The following PRKG1 variants were observed in gnomAD, a reference collection of about 807,000 sequenced individuals.
PRKG1 encodes cGMP-dependent protein kinase 1.
In PRKG1, 35 loss-of-function variants were observed where a neutral mutation model predicts 88.1. The observed-to-expected ratio is 0.40, with a 90% confidence interval of 0.30 to 0.53. The LOEUF is 0.53. PRKG1 is among the 20% of genes least tolerant of loss of function. PRKG1 has a pLI of 0.59. For missense variants in PRKG1, 540 were observed against 839.8 expected, an observed-to-expected ratio of 0.64 and a Z score of 4.41; for synonymous variants, 303 against 292.5, an observed-to-expected ratio of 1.04 and a Z score of -0.37.
At chr10:51,357,677 T>C (rs1267528769) in intron 2 of PRKG1, among the ~76,000 whole-genome samples, 1 of 151,974 alleles carries the variant, frequency 6.6e-6, no homozygotes, top group Non-Finnish European at 1.5e-5. Context: ...TTAGGGTTCT[T>C]TTTCCCATTT....
intron 9 of PRKG1, among the ~76,000 whole-genome samples, chr10:52,168,799 G>A (rs1017129128): frequency 3.3e-5 from 5 of 152,044 alleles, no homozygotes; most frequent in African/African-American, 1.2e-4. Context: ...AAAAGGTCAG[G>A]GAAAATGCAA....
intron 2 of PRKG1, among the ~76,000 whole-genome samples, chr10:51,407,524 C>T (rs1301138471): frequency 6.6e-6 from 1 of 152,206 alleles, no homozygotes; most frequent in Non-Finnish European, 1.5e-5. Flanking sequence ...GGAGGAAATA[C>T]TCATGACAAT....
chr10:51,100,186 A>G (rs975626481), intron 1 of PRKG1, among the ~76,000 whole-genome samples: 2 of 152,100 alleles, frequency 1.3e-5, no homozygotes, highest in Admixed American at 1.3e-4. Context: ...GAGCCATCAT[A>G]CCTGGTCTAG....
At chr10:51,862,218 C>T (rs1005311449) in intron 4 of PRKG1, among the ~76,000 whole-genome samples, 9 of 152,184 alleles carry the variant, frequency 5.9e-5, no homozygotes, top group African/African-American at 2.2e-4. Flanking sequence ...GTTCCCACTG[C>T]CCATAGCATG....
intron 3 of PRKG1, among the ~76,000 whole-genome samples, chr10:51,586,501 G>A (rs1296682876): frequency 1.3e-5 from 2 of 152,102 alleles, no homozygotes; most frequent in Admixed American, 1.3e-4. Context: ...ATGTGTTTAT[G>A]CATTTCCTGC....
At chr10:52,274,616 C>T (rs1175689335) in intron 12 of PRKG1, among the ~76,000 whole-genome samples, 4 of 151,496 alleles carry the variant, frequency 2.6e-5, no homozygotes, top group Admixed American at 2.0e-4. Flanking sequence ...GATTGATGGG[C>T]ATTTGATTTG....
intron 1 of PRKG1, among the ~76,000 whole-genome samples, chr10:51,026,941 A>G (rs10822117): frequency 0.18 from 27,483 of 152,172 alleles, 3,070 homozygotes; most frequent in South Asian, 0.3. Context: ...CCCAAATTGT[A>G]TGCATTTCAC....
chr10:51,705,694 G>C (rs1322277209), intron 3 of PRKG1, among the ~76,000 whole-genome samples: 1 of 152,148 alleles, frequency 6.6e-6, no homozygotes, highest in Non-Finnish European at 1.5e-5. Context: ...GCAACCTTTT[G>C]AAGATAGGCA....
At chr10:51,131,955 C>T (rs879836677) in intron 1 of PRKG1, among the ~76,000 whole-genome samples, 24 of 152,024 alleles carry the variant, frequency 1.6e-4, no homozygotes, top group Non-Finnish European at 3.5e-4. Context: ...TAATTTTTCT[C>T]AAGAAATGAT....
chr10:51,529,442 C>T (rs911779198), intron 3 of PRKG1, among the ~76,000 whole-genome samples: 4 of 152,142 alleles, frequency 2.6e-5, no homozygotes, highest in Admixed American at 2.6e-4. Context: ...TGAATTTTAC[C>T]TAAGATGCTC....
intron 7 of PRKG1, among the ~76,000 whole-genome samples, chr10:52,073,728 AC>A (rs1392331637): frequency 2.6e-5 from 4 of 152,156 alleles, no homozygotes; most frequent in Non-Finnish European, 5.9e-5. Context: ...CATTATATGG[AC>A]CTTAATTAAA....
intron 2 of PRKG1, among the ~76,000 whole-genome samples, chr10:51,363,052 C>G (rs779988059): frequency 1.3e-5 from 2 of 151,810 alleles, no homozygotes; most frequent in African/African-American, 4.8e-5. Flanking sequence ...ATGCCCTGCC[C>G]CAAACCCTTT....
At chr10:51,504,885 G>A (rs1427152665) in intron 3 of PRKG1, among the ~76,000 whole-genome samples, 1 of 152,128 alleles carries the variant, frequency 6.6e-6, no homozygotes, top group Non-Finnish European at 1.5e-5. Context: ...AGACGATGGG[G>A]TTTTCTAGAT....
chr10:51,495,641 A>G (rs891695928), intron 3 of PRKG1, among the ~76,000 whole-genome samples: 5 of 152,238 alleles, frequency 3.3e-5, no homozygotes, highest in African/African-American at 9.6e-5. Flanking sequence ...GGGATATCAC[A>G]TTGACTAAGA....
chr10:51,381,256 T>TAAAAAAAAAAAAAAAAAAAA (rs71029366), intron 2 of PRKG1, among the ~76,000 whole-genome samples: 23 of 32,058 alleles, frequency 7.2e-4, no homozygotes, highest in African/African-American at 1.4e-3. Context: ...GCCTCCATCT[T>TAAAAAAAAAAAAAAAAAAAA]AAAAAAAAAA....
At chr10:51,547,727 G>C (rs2132122490) in intron 3 of PRKG1, among the ~76,000 whole-genome samples, 1 of 152,166 alleles carries the variant, frequency 6.6e-6, no homozygotes, top group East Asian at 1.9e-4. Flanking sequence ...TATGTTACCT[G>C]TAATCTGCCA....
At chr10:51,640,783 A>G (rs1295529284) in intron 3 of PRKG1, among the ~76,000 whole-genome samples, 6 of 152,190 alleles carry the variant, frequency 3.9e-5, no homozygotes, top group African/African-American at 1.4e-4. Context: ...TAAACTAGCA[A>G]AGTTCTTTGG....
intron 1 of PRKG1, among the ~76,000 whole-genome samples, chr10:51,134,474 A>G (rs1845642640): frequency 6.6e-6 from 1 of 152,192 alleles, no homozygotes; most frequent in African/African-American, 2.4e-5. Flanking sequence ...TTGTGATACC[A>G]TGCAGTAGTC....
intron 3 of PRKG1, chr10:51,699,343 G>A (rs748258901): frequency 1.9e-6 from 3 of 1,614,044 alleles, no homozygotes; most frequent in South Asian, 2.2e-5. Context: ...CACTAAGCGC[G>A]GTCTCCTGGT....
Sources: allele counts gnomAD v4.1 joint callset (sites outside exome capture counted in the v4.1 genomes callset), GRCh38; gene constraint gnomAD v4.1.1; transcripts MANE v1.5; gene names NCBI Gene and HGNC (gene_info 2026-07-23, HGNC 2026-07-21).